XIRP2: variants seen among roughly 807,000 people sequenced by gnomAD.
The protein encoded by XIRP2 is xin actin binding repeat containing 2.
In XIRP2, 236 loss-of-function variants were observed where a neutral mutation model predicts 277.0. The observed-to-expected ratio is 0.85, with a 90% CI of 0.77 to 0.95. The LOEUF is 0.95. Among genes scored for constraint, XIRP2 ranks in the 40% least tolerant of loss-of-function variants. XIRP2 has a pLI of 0.00. For synonymous variants in XIRP2, 1,490 were observed against 1,416.5 expected, an observed-to-expected ratio of 1.05 and a Z score of -1.17; for missense variants, 4,640 against 4,157.5, an observed-to-expected ratio of 1.12 and a Z score of -3.19.
At chr2:167,198,495 C>T (rs1217539136) in intron 3 of XIRP2, among the ~76,000 whole-genome samples, 1 of 152,124 alleles carries the variant, frequency 6.6e-6, no homozygotes, top group Non-Finnish European at 1.5e-5. Context: ...GGCCAATTAC[C>T]TTTTCACTTA....
In XIRP2 at chr2:167,259,570, G is replaced by A; in HGVS notation, c.*1753G>A. ...ATTTACATCTACTTTTGTTTGAACTGGAATGAAGAGATGAAACACTATGGA... is the reference window on the plus strand; with the variant it reads ...ATTTACATCTACTTTTGTTTGAACTAGAATGAAGAGATGAAACACTATGGA... On this transcript the variant is annotated 3_prime_UTR_variant, in exon 11 of 11. Coordinates refer to ENST00000409195, the MANE Select transcript of XIRP2 (RefSeq NM_152381.6). The A allele has an allele frequency of 4.1e-6, 2 of 490,824 alleles. No homozygotes were observed. The highest frequency in any genetic ancestry group is 3.6e-6 in the Non-Finnish European group (1 of 278,368). 30.4% of individuals were successfully genotyped at this position (490,824 alleles called of 1,614,324 possible).
intron 3 of XIRP2, among the ~76,000 whole-genome samples, chr2:167,199,683 A>G (rs985510859): frequency 1.2e-4 from 18 of 152,172 alleles, no homozygotes; most frequent in African/African-American, 3.6e-4. Flanking sequence ...TCTATTAATC[A>G]TAGACTGAGC....
Position 167,226,179 on chromosome 2 carries a change from G to A in XIRP2, c.858+7879G>A, listed in dbSNP as rs535177011. ...AAACGCAGATCCCACTGGGGGTTTG[G>A]AGATACATATTTCAGGAATTGACTT... is the stretch of plus-strand genomic sequence containing the variant. On this transcript the variant is annotated intron_variant, in intron 5 of 10. Transcript: ENST00000409195. 3.3e-4 allele frequency among the ~76,000 whole-genome samples: 50 copies of A among 152,290 alleles called. No individual in the cohort carries two copies. In the South Asian group the frequency reaches 6.2e-3, roughly 19 times the overall value.
chr2:167,180,161 T>G (rs1015470089), intron 3 of XIRP2, among the ~76,000 whole-genome samples: 6 of 152,194 alleles, frequency 3.9e-5, no homozygotes, highest in African/African-American at 1.4e-4. Context: ...TCATTACTTT[T>G]TAATCTTTAA....
chr2:167,091,245 G>A (rs959499435), intron 2 of XIRP2, among the ~76,000 whole-genome samples: 2 of 151,870 alleles, frequency 1.3e-5, no homozygotes, highest in African/African-American at 4.8e-5. Flanking sequence ...GTCTTTATTG[G>A]TTTTGGGAAA....
In XIRP2 at chr2:167,243,703, C is replaced by T. The variant is rs548985321; in HGVS notation, c.2311C>T (p.Arg771Trp). Residue 771 changes from arginine (R) to tryptophan (W), a missense_variant, in exon 9 of 11, where the codon CGG becomes TGG. Coordinates refer to ENST00000409195, the MANE Select transcript of XIRP2 (RefSeq NM_152381.6). ...DVEKGDVRTA[R>W]WMFETQPLDT... ...TGAAAAGGGAGATGTAAGAACAGCACGGTGGATGTTTGAAACACAGCCGTT... is the reference window on the plus strand; with the variant it reads ...TGAAAAGGGAGATGTAAGAACAGCATGGTGGATGTTTGAAACACAGCCGTT... 2.2e-4 allele frequency: 356 copies of T among 1,613,918 alleles called. 1 individual carries two copies. In the Admixed American group the frequency reaches 2.5e-3, roughly 11 times the overall value.
chr2:167,101,603 G>A (rs780996100), intron 2 of XIRP2, among the ~76,000 whole-genome samples: 11 of 152,054 alleles, frequency 7.2e-5, no homozygotes, highest in South Asian at 2.1e-4. Context: ...ACTTCACTTC[G>A]CATAATGGTC....
intron 3 of XIRP2, among the ~76,000 whole-genome samples, chr2:167,210,212 G>T: frequency 6.6e-6 from 1 of 152,270 alleles, no homozygotes; most frequent in East Asian, 1.9e-4. Flanking sequence ...AGGTTGAGGG[G>T]TGAGGAGAGA....
Position 167,242,726 on chromosome 2 carries a change from CT to C in XIRP2, c.1336del (p.Ser446GlnfsTer3). The C allele has an allele frequency of 6.2e-7, 1 of 1,614,092 alleles. No homozygotes were observed. Among genetic ancestry groups the C allele is most frequent in the Non-Finnish European group, 8.5e-7 (1 of 1,179,988 alleles). ...ACTCTGGCACAAATTAATGCTACTT[CT>C]TCAGGAATGACAGAAGAATTTCCTC... is the stretch of plus-strand genomic sequence containing the variant. ...SSTLAQINAT[S>X]SGMTEEFPPP... On this transcript the variant is annotated frameshift_variant, in exon 9 of 11. Coordinates refer to ENST00000409195, the MANE Select transcript of XIRP2 (RefSeq NM_152381.6). LOFTEE classifies it high-confidence loss of function.
chr2:167,004,282 T>G (rs1214445144), intron 2 of XIRP2, among the ~76,000 whole-genome samples: 1 of 151,890 alleles, frequency 6.6e-6, no homozygotes, highest in African/African-American at 2.4e-5. Flanking sequence ...GGGAGATACA[T>G]AGATATGAAA....
At chr2:167,059,120 T>G (rs1158856448) in intron 2 of XIRP2, among the ~76,000 whole-genome samples, 3 of 142,736 alleles carry the variant, frequency 2.1e-5, no homozygotes, top group African/African-American at 7.9e-5. Context: ...TTTTTTTTTT[T>G]TTTTGAGACA....
At position 167,246,567 on chromosome 2, in the gene XIRP2, A is replaced by C. The variant is rs1695273781; in HGVS notation, c.5175A>C (p.Ser1725=). Residue 1725 remains serine, a synonymous_variant, in exon 9 of 11, where the codon TCA becomes TCC. Transcript: ENST00000409195. ...TTCATAATTTATTGTCTTCCACATCAAACAATAAAATATCTGAAAGGGCTA... is the reference window on the plus strand; with the variant it reads ...TTCATAATTTATTGTCTTCCACATCCAACAATAAAATATCTGAAAGGGCTA... The part of the protein sequence containing the change: ...RTIHNLLSST[S]NNKISERAKI... The C allele has an allele frequency of 8.7e-6, 14 of 1,613,808 alleles. No individual in the cohort carries two copies. The highest frequency in any genetic ancestry group is 1.2e-5 in the Non-Finnish European group (14 of 1,179,838).
chr2:167,160,058 T>TATATATTTGCC (rs1450803858), intron 3 of XIRP2, among the ~76,000 whole-genome samples: 4 of 152,176 alleles, frequency 2.6e-5, no homozygotes, highest in African/African-American at 9.7e-5. Context: ...GTATTTCTTA[T>TATATATTTGCC]TCATATATAT....
chr2:167,136,565 A>G (rs1444227929), intron 3 of XIRP2, among the ~76,000 whole-genome samples: 3 of 152,226 alleles, frequency 2.0e-5, no homozygotes. Flanking sequence ...ACAGAACCTC[A>G]TAAATTTGAT....
At chr2:166,922,444 A>G (rs1302706999) in intron 2 of XIRP2, among the ~76,000 whole-genome samples, 2 of 152,282 alleles carry the variant, frequency 1.3e-5, no homozygotes, top group Non-Finnish European at 2.9e-5. Context: ...AGGTACAACA[A>G]TGAGCATATT....
chr2:166,903,812 T>C lies in XIRP2; in HGVS notation c.330T>C (p.Phe110=), dbSNP rs757527228. The C allele has an allele frequency of 1.2e-6, 2 of 1,613,736 alleles. No individual in the cohort carries two copies. The highest frequency in any genetic ancestry group is 1.7e-6 in the Non-Finnish European group (2 of 1,179,782). The change falls in exon 2 of 11, where the codon TTT becomes TTC. Residue 110 remains phenylalanine, a synonymous_variant. Transcript: ENST00000409195. ...SLSSRRRIER[F]SIALDELRSV... is the part of the protein sequence containing the mutation. ...GCAGTCGGCGCAGGATTGAACGCTT[T>C]TCCATTGCCCTTGATGAGCTGAGGA...
chr2:167,181,793 A>G (rs1283839617), intron 3 of XIRP2, among the ~76,000 whole-genome samples: 2 of 152,134 alleles, frequency 1.3e-5, no homozygotes, highest in African/African-American at 4.8e-5. Flanking sequence ...TATTTTTTAT[A>G]TTGGGAGCCA....
chr2:167,162,461 C>T (rs1478305664), intron 3 of XIRP2, among the ~76,000 whole-genome samples: 1 of 152,094 alleles, frequency 6.6e-6, no homozygotes, highest in Non-Finnish European at 1.5e-5. Context: ...CTGTGAGGGG[C>T]AAGAGAAGAG....
At chr2:167,037,518 G>T (rs4308136) in intron 2 of XIRP2, among the ~76,000 whole-genome samples, 17,618 of 126,608 alleles carry the variant, frequency 0.14, 1,378 homozygotes, top group East Asian at 0.2. Flanking sequence ...TCATGTGGGG[G>T]GTGTGTGTGT....
Sources: gnomAD v4.1 joint callset for allele counts (sites outside exome capture counted in the v4.1 genomes callset) on GRCh38, gnomAD v4.1.1 for gene constraint, MANE v1.5 for transcripts, NCBI Gene and HGNC (gene_info 2026-07-23, HGNC 2026-07-21) for gene names.